ANKRD11: variants seen among roughly 807,000 people sequenced by gnomAD.
ANKRD11 encodes the protein ankyrin repeat domain 11.
ANKRD11 carries 17 observed loss-of-function variants against 195.7 expected under a neutral mutation model. That is an observed-to-expected ratio of 0.09 (90% CI 0.06 to 0.13). The LOEUF is 0.13. Among genes scored for constraint, ANKRD11 ranks in the 10% least tolerant of loss-of-function variants. The pLI is 1.00. For missense variants in ANKRD11, 3,735 were observed against 3,566.1 expected, an observed-to-expected ratio of 1.05 and a Z score of -1.21; for synonymous variants, 1,953 against 1,528.1, an observed-to-expected ratio of 1.28 and a Z score of -6.49.
rs979212524 is a variant in ANKRD11 at position 89,436,008 on chromosome 16, G to A, written c.-144-17640C>T. On this transcript the variant is annotated intron_variant, in intron 1 of 12. Coordinates refer to ENST00000301030, the MANE Select transcript of ANKRD11 (RefSeq NM_013275.6). ...CCACCAGCCCAGCAGGTGCTGCTGA[G>A]AGCAGAGGGTTTTGCAGGGTCACAC... Among the ~76,000 whole-genome samples the A allele has an allele frequency of 6.3e-4, 96 of 152,322 alleles. 3 individuals carry two copies. The highest frequency in any genetic ancestry group is 6.3e-3 in the Admixed American group (96 of 15,312).
At chr16:89,320,003 C>G (rs1288261155) in intron 2 of ANKRD11, 1 of 152,442 alleles carries the variant, frequency 6.6e-6, no homozygotes, top group South Asian at 2.1e-4. Flanking sequence ...CAGAGCCAGC[C>G]GAGGGCCGAG....
At position 89,333,604 on chromosome 16, in the gene ANKRD11, C is replaced by G. The variant is rs117530819; in HGVS notation, c.-59-16526G>C. ...TTTGCCCTTTCCTGGATGTCAGAGT[C>G]GGAACCCTACAGTGTGTAGTCCTTG... On this transcript the variant is annotated intron_variant, in intron 2 of 12. Transcript: ENST00000301030. Among the ~76,000 whole-genome samples, 4 of 152,288 alleles carry G rather than the reference C, an allele frequency of 2.6e-5. No homozygotes were observed. In the South Asian group the frequency reaches 8.3e-4, roughly 32 times the overall value.
chr16:89,462,279 C>G (rs919262533), intron 1 of ANKRD11, among the ~76,000 whole-genome samples: 29 of 152,120 alleles, frequency 1.9e-4, no homozygotes, highest in African/African-American at 6.8e-4. Flanking sequence ...CTGTGTTGGC[C>G]AGGCCGGTCT....
intron 1 of ANKRD11, among the ~76,000 whole-genome samples, chr16:89,438,973 C>G (rs2043331848): frequency 6.6e-6 from 1 of 151,436 alleles, no homozygotes; most frequent in South Asian, 2.1e-4. Flanking sequence ...GCCTGAACGA[C>G]AGAGCAAGAC....
In ANKRD11 at chr16:89,279,508, G is replaced by A. The variant is rs991655950; in HGVS notation, c.7034C>T (p.Ala2345Val). 9 of 1,356,530 alleles carry A rather than the reference G, an allele frequency of 6.6e-6. No individual in the cohort carries two copies. The highest frequency in any genetic ancestry group is 4.1e-5 in the Admixed American group (2 of 48,484). 84.0% of individuals were successfully genotyped at this position (1,356,530 alleles called of 1,614,324 possible). The change falls in exon 9 of 13, where the codon GCG (alanine) becomes GTG (valine). Residue 2345 changes from alanine (A) to valine (V), a missense_variant. By Grantham distance (64) the Ala-to-Val change is moderately conservative. Coordinates refer to ENST00000301030, the MANE Select transcript of ANKRD11 (RefSeq NM_013275.6). The surrounding 1 kb of genome is among the most constrained non-coding windows in gnomAD (Gnocchi z 5.6). ...RMTRNRAQML[A>V]NQSKQGPPPS... ...GGGCGGGCCCTGCTTGCTCTGGTTCGCGAGCATCTGCGCCCGGTTCCTGGT... is the reference window on the plus strand; with the variant it reads ...GGGCGGGCCCTGCTTGCTCTGGTTCACGAGCATCTGCGCCCGGTTCCTGGT...
rs878864180 is a variant in ANKRD11, at chr16:89,268,439, G to A, written c.*39C>T. Reference sequence around the variant, plus strand: ...GGCTCAGCAGCAGTCCTGGGCAGCCGTGCGGCCCTCGCCTGCGTCCTGCGG... The same window carrying A: ...GGCTCAGCAGCAGTCCTGGGCAGCCATGCGGCCCTCGCCTGCGTCCTGCGG... On this transcript the variant is annotated 3_prime_UTR_variant, in exon 13 of 13. Transcript: ENST00000301030. 1.4e-5 allele frequency: 13 copies of A among 920,794 alleles called. No individual in the cohort carries two copies. The highest frequency in any genetic ancestry group is 2.7e-5 in the East Asian group (1 of 36,986). The allele number at this position is 920,794 out of a possible 1,614,324, so 57.0% of individuals were successfully genotyped here.
rs138075830 is a variant in ANKRD11 at position 89,378,069 on chromosome 16, G to T, written c.-60+40215C>A. Among the ~76,000 whole-genome samples, 896 of 152,250 alleles carry T rather than the reference G, an allele frequency of 5.9e-3. 9 individuals carry two copies. Among genetic ancestry groups the T allele is most frequent in the Non-Finnish European group, 9.7e-3 (662 of 68,012 alleles). On this transcript the variant is annotated intron_variant, in intron 2 of 12. Coordinates refer to ENST00000301030, the MANE Select transcript of ANKRD11 (RefSeq NM_013275.6). The stretch of plus-strand genomic sequence containing the variant: ...ACAATACATACGACATATAAAATAT[G>T]AGGGGCATGGTGGCTCACACTTATA...
In ANKRD11 at chr16:89,283,289, C is replaced by G; in HGVS notation, c.3253G>C (p.Glu1085Gln). 6.2e-7 allele frequency: 1 copy of G among 1,614,176 alleles called. No individual in the cohort carries two copies. Among genetic ancestry groups the G allele is most frequent in the Non-Finnish European group, 8.5e-7 (1 of 1,180,040 alleles). Residue 1085 changes from glutamate to glutamine, a missense_variant, in exon 9 of 13, where the codon GAG (glutamate) becomes CAG (glutamine). Glu to Gln is a conservative substitution (Grantham distance 29). Transcript: ENST00000301030. The surrounding 1 kb of genome is among the most constrained non-coding windows in gnomAD (Gnocchi z 4.3). The part of the protein sequence containing the change: ...ERKASLDQGK[E>Q]KKEKAFPGII... ...CCAGGGAAAGCCTTCTCCTTCTTCT[C>G]TTTCCCTTGGTCGAGAGACGCTTTC...
chr16:89,464,253 G>C (rs1348355437), intron 1 of ANKRD11, among the ~76,000 whole-genome samples: 1 of 145,374 alleles, frequency 6.9e-6, no homozygotes, highest in Non-Finnish European at 1.5e-5. Context: ...GAAAAAAAAA[G>C]ATCACAATGG....
At position 89,355,180 on chromosome 16, in the gene ANKRD11, G is replaced by T. The variant is rs181864805; in HGVS notation, c.-59-38102C>A. Among the ~76,000 whole-genome samples, 466 of 152,234 alleles carry T rather than the reference G, an allele frequency of 3.1e-3. 4 individuals carry two copies. The highest frequency in any genetic ancestry group is 0.011 in the African/African-American group (442 of 41,540). On this transcript the variant is annotated intron_variant, in intron 2 of 12. Coordinates refer to ENST00000301030, the MANE Select transcript of ANKRD11 (RefSeq NM_013275.6). The stretch of plus-strand genomic sequence containing the variant: ...TGCTCCCAACATACTCCCATCCCAG[G>T]CGAACCTATGCTGGTGATGCTCGGG...
rs938065076 is a variant in ANKRD11, at chr16:89,374,310, C to T, written c.-60+43974G>A. Among the ~76,000 whole-genome samples the T allele has an allele frequency of 5.9e-5, 9 of 151,770 alleles. No individual in the cohort carries two copies. In the East Asian group the frequency reaches 1.5e-3, roughly 26 times the overall value. Reference sequence around the variant, plus strand: ...AATATTACTAGAGAGCCGAGGTCAGCGAGTTATGGCTCACCATGTGTTTTT... The same window carrying T: ...AATATTACTAGAGAGCCGAGGTCAGTGAGTTATGGCTCACCATGTGTTTTT... On this transcript the variant is annotated intron_variant, in intron 2 of 12. Transcript: ENST00000301030.
At chr16:89,381,207 C>T (rs970086118) in intron 2 of ANKRD11, among the ~76,000 whole-genome samples, 11 of 151,752 alleles carry the variant, frequency 7.2e-5, no homozygotes, top group Non-Finnish European at 5.9e-5. Flanking sequence ...TGGTGTGCAC[C>T]GGTAATCCCA....
At chr16:89,405,434 C>T (rs1378938340) in intron 2 of ANKRD11, among the ~76,000 whole-genome samples, 2 of 151,930 alleles carry the variant, frequency 1.3e-5, no homozygotes, top group African/African-American at 2.4e-5. Flanking sequence ...GGCGATCCTC[C>T]CACCTCGGCT....
At chr16:89,482,456 A>G (rs756267203) in intron 1 of ANKRD11, among the ~76,000 whole-genome samples, 25 of 152,316 alleles carry the variant, frequency 1.6e-4, no homozygotes, top group Non-Finnish European at 2.8e-4. Flanking sequence ...GGGATCCCGG[A>G]TGGCATCTGA....
chr16:89,420,390 T>C (rs1369087804), intron 1 of ANKRD11: 1 of 152,152 alleles, frequency 6.6e-6, no homozygotes, highest in Non-Finnish European at 1.5e-5. Context: ...ACCCAGCAAA[T>C]CCTGGCAACC....
intron 2 of ANKRD11, among the ~76,000 whole-genome samples, chr16:89,332,741 G>A (rs2038132444): frequency 6.6e-6 from 1 of 152,198 alleles, no homozygotes; most frequent in Non-Finnish European, 1.5e-5. Flanking sequence ...TGAGGAAAGT[G>A]CCCCGCTGCC....
chr16:89,457,221 A>C (rs1025312735), intron 1 of ANKRD11, among the ~76,000 whole-genome samples: 1 of 150,706 alleles, frequency 6.6e-6, no homozygotes, highest in Non-Finnish European at 1.5e-5. Context: ...GGCCTCCCAA[A>C]GTGCTGGGAT....
At chr16:89,393,537 C>G (rs1489590687) in intron 2 of ANKRD11, among the ~76,000 whole-genome samples, 1 of 134,804 alleles carries the variant, frequency 7.4e-6, no homozygotes, top group Non-Finnish European at 1.6e-5. Flanking sequence ...GACGGGGTTT[C>G]ACCATGTTGC....
At chr16:89,378,828 A>T (rs1230158740) in intron 2 of ANKRD11, among the ~76,000 whole-genome samples, 1 of 152,140 alleles carries the variant, frequency 6.6e-6, no homozygotes, top group East Asian at 1.9e-4. Flanking sequence ...CTGTGGTTTA[A>T]AACTCTTTTA....
Sources: allele counts gnomAD v4.1 joint callset (sites outside exome capture counted in the v4.1 genomes callset), GRCh38; gene constraint gnomAD v4.1.1; non-coding constraint Gnocchi (gnomAD v3.1); transcripts MANE v1.5; gene names NCBI Gene and HGNC (gene_info 2026-07-23, HGNC 2026-07-21).